Variants in KHDRBS2 observed in about 807,000 individuals in gnomAD.
KHDRBS2 encodes the protein KH domain-containing, RNA-binding, signal transduction-associated protein 2.
Under a neutral mutation model 44.3 loss-of-function variants are expected in KHDRBS2, and 26 were observed. The observed-to-expected ratio is 0.59, with a 90% CI of 0.43 to 0.81. The LOEUF (loss-of-function observed/expected upper bound fraction) is 0.81. Ranked by LOEUF, KHDRBS2 falls within the 40% of genes least tolerant of loss-of-function variation. The pLI is 0.00. For synonymous variants in KHDRBS2, 194 were observed against 151.1 expected (o/e 1.28, Z -2.08); for missense variants, 476 against 433.1 (o/e 1.10, Z -0.88).
intron 2 of KHDRBS2, among the ~76,000 whole-genome samples, chr6:62,142,142 C>T (rs1812959855): frequency 6.6e-6 from 1 of 152,022 alleles, no homozygotes; most frequent in Non-Finnish European, 1.5e-5. Flanking sequence ...TGAGGGCAAG[C>T]AACTGGGGTT....
chr6:61,721,949 T>A (rs1420331950), intron 7 of KHDRBS2, among the ~76,000 whole-genome samples: 1 of 146,246 alleles, frequency 6.8e-6, no homozygotes, highest in African/African-American at 2.5e-5. Flanking sequence ...TTGAGATACG[T>A]CCAATCAATA....
intron 4 of KHDRBS2, among the ~76,000 whole-genome samples, chr6:61,946,675 G>A (rs759697506): frequency 1.3e-5 from 2 of 152,134 alleles, no homozygotes; most frequent in African/African-American, 2.4e-5. Context: ...TATGACCATC[G>A]CTGGTACTGA....
At position 61,945,107 on chromosome 6, in the gene KHDRBS2, AAAAAAG is replaced by A. The variant is rs1303662853; in HGVS notation, c.483+32953_483+32958del. On this transcript the variant is annotated intron_variant, in intron 4 of 8. Coordinates refer to ENST00000281156, the MANE Select transcript of KHDRBS2 (RefSeq NM_152688.4). ...CTCTGTCTTAAAAAAAAAAAAAAAA[AAAAAAG>A]TATATATATATATATATATATATAT... Among the ~76,000 whole-genome samples the A allele has an allele frequency of 2.4e-3, 91 of 37,398 alleles. 7 individuals carry two copies. The highest frequency in any genetic ancestry group is 0.014 in the Middle Eastern group (1 of 74). 24.5% of individuals were successfully genotyped at this position (37,398 alleles called of 152,430 possible).
chr6:61,773,487 T>G (rs2127577817), intron 6 of KHDRBS2, among the ~76,000 whole-genome samples: 1 of 151,986 alleles, frequency 6.6e-6, no homozygotes, highest in East Asian at 1.9e-4. Context: ...TTTGATGGGG[T>G]TGTTTGTTTT....
chr6:62,017,659 C>T (rs1781451649), intron 3 of KHDRBS2, among the ~76,000 whole-genome samples: 1 of 151,892 alleles, frequency 6.6e-6, no homozygotes, highest in South Asian at 2.1e-4. Flanking sequence ...AAAAGAAAAA[C>T]CCATAGAAAT....
the KHDRBS2 span, among the ~76,000 whole-genome samples, chr6:61,567,655 A>G: frequency 6.6e-6 from 1 of 151,804 alleles, no homozygotes; most frequent in Non-Finnish European, 1.5e-5. Context: ...CAAAACAAAC[A>G]AACAAAAAAA....
intron 2 of KHDRBS2, among the ~76,000 whole-genome samples, chr6:62,142,799 T>G (rs1047884927): frequency 6.6e-5 from 10 of 151,532 alleles, no homozygotes; most frequent in African/African-American, 1.9e-4. Flanking sequence ...TGGCAAAATA[T>G]ATCCAGAAAA....
At chr6:62,062,778 C>A (rs953164050) in intron 2 of KHDRBS2, among the ~76,000 whole-genome samples, 1 of 147,248 alleles carries the variant, frequency 6.8e-6, no homozygotes, top group African/African-American at 2.5e-5. Flanking sequence ...TAACGAAAAT[C>A]AGAGCAGAAC....
intron 2 of KHDRBS2, among the ~76,000 whole-genome samples, chr6:62,098,684 T>C (rs1398690843): frequency 6.6e-6 from 1 of 152,208 alleles, no homozygotes; most frequent in Non-Finnish European, 1.5e-5. Flanking sequence ...TTTGTATATT[T>C]CTCTGGGTTT....
chr6:61,564,568 T>C, the KHDRBS2 span, among the ~76,000 whole-genome samples: 1 of 151,994 alleles, frequency 6.6e-6, no homozygotes, highest in Non-Finnish European at 1.5e-5. Context: ...TTCCAAAGCA[T>C]AAATGTAAAG....
intron 3 of KHDRBS2, among the ~76,000 whole-genome samples, chr6:62,029,199 T>G (rs558764958): frequency 6.6e-6 from 1 of 152,088 alleles, no homozygotes; most frequent in East Asian, 1.9e-4. Context: ...TTAACAATGT[T>G]AAATTAACAA....
the KHDRBS2 span, among the ~76,000 whole-genome samples, chr6:61,554,811 T>C: frequency 6.6e-6 from 1 of 152,224 alleles, no homozygotes; most frequent in South Asian, 2.1e-4. Flanking sequence ...GAAATTCTTC[T>C]CTTTAAGAAT....
the KHDRBS2 span, among the ~76,000 whole-genome samples, chr6:61,671,531 C>A: frequency 2.0e-5 from 3 of 151,670 alleles, no homozygotes; most frequent in Non-Finnish European, 2.9e-5. Flanking sequence ...CCAATGCACA[C>A]TGTAAATATT....
intron 7 of KHDRBS2, among the ~76,000 whole-genome samples, chr6:61,724,523 G>A (rs553831232): frequency 6.6e-6 from 1 of 152,102 alleles, no homozygotes; most frequent in Non-Finnish European, 1.5e-5. Flanking sequence ...TGGCAAGCTG[G>A]ATAAAGAGCC....
At chr6:62,054,909 AAAG>A (rs1284294962) in intron 2 of KHDRBS2, among the ~76,000 whole-genome samples, 3 of 152,058 alleles carry the variant, frequency 2.0e-5, no homozygotes, top group Non-Finnish European at 4.4e-5. Flanking sequence ...AATACTAAGG[AAAG>A]AAGGAGCTAC....
At chr6:61,912,254 G>A (rs1054781778) in intron 4 of KHDRBS2, among the ~76,000 whole-genome samples, 1 of 152,146 alleles carries the variant, frequency 6.6e-6, no homozygotes, top group African/African-American at 2.4e-5. Flanking sequence ...TCAAAAAGAT[G>A]TGTCAAAATA....
At chr6:61,689,740 T>C (rs1767191027) in intron 8 of KHDRBS2, among the ~76,000 whole-genome samples, 1 of 151,996 alleles carries the variant, frequency 6.6e-6, no homozygotes, top group African/African-American at 2.4e-5. Context: ...TTAGTTGTTG[T>C]CTTTGTTCGT....
intron 1 of KHDRBS2, among the ~76,000 whole-genome samples, chr6:62,185,384 TC>T (rs1450136778): frequency 2.6e-5 from 4 of 151,912 alleles, no homozygotes; most frequent in Admixed American, 1.3e-4. Context: ...AAACAGATGG[TC>T]CTAAGTCATG....
At chr6:61,743,571 G>T (rs573385818) in intron 6 of KHDRBS2, among the ~76,000 whole-genome samples, 16 of 151,648 alleles carry the variant, frequency 1.1e-4, no homozygotes, top group African/African-American at 3.6e-4. Context: ...AAAAAAATTG[G>T]GGTTAATAAT....
Sources: allele counts gnomAD v4.1 joint callset (sites outside exome capture counted in the v4.1 genomes callset), GRCh38; gene constraint gnomAD v4.1.1; transcripts MANE v1.5; gene names NCBI Gene and HGNC (gene_info 2026-07-23, HGNC 2026-07-21).